SFXN5: variants seen among roughly 807,000 people sequenced by gnomAD.
SFXN5 encodes the protein sideroflexin-5.
SFXN5 carries 43 observed loss-of-function variants against 50.2 expected under a neutral mutation model. The ratio of observed to expected loss-of-function variants is 0.86; its 90% CI spans 0.67 to 1.11. The LOEUF is 1.11. Among genes scored for constraint, SFXN5 ranks in the 50% least tolerant of loss-of-function variants. SFXN5 has a pLI of 0.00. For missense variants in SFXN5, 463 were observed against 454.1 expected, an observed-to-expected ratio of 1.02 and a Z score of -0.18; for synonymous variants, 203 against 185.8, an observed-to-expected ratio of 1.09 and a Z score of -0.75.
At chr2:73,043,854 G>A (rs1420426887) in intron 2 of SFXN5, among the ~76,000 whole-genome samples, 2 of 152,054 alleles carry the variant, frequency 1.3e-5, no homozygotes, top group Non-Finnish European at 2.9e-5. Context: ...GACATAATAC[G>A]CTTATCTACA....
chr2:72,977,452 C>G (rs1326857298), intron 10 of SFXN5, among the ~76,000 whole-genome samples: 1 of 152,008 alleles, frequency 6.6e-6, no homozygotes, highest in Non-Finnish European at 1.5e-5. Context: ...AACTAATAAA[C>G]ATGAACTCAA....
intron 6 of SFXN5, among the ~76,000 whole-genome samples, chr2:73,003,133 G>A (rs1418547272): frequency 2.6e-5 from 4 of 152,060 alleles, no homozygotes; most frequent in Non-Finnish European, 5.9e-5. Flanking sequence ...TGAGCCTAGC[G>A]GGGGTGGGGA....
intron 13 of SFXN5, among the ~76,000 whole-genome samples, chr2:72,955,508 G>A (rs1346413703): frequency 6.6e-6 from 1 of 152,258 alleles, no homozygotes; most frequent in Non-Finnish European, 1.5e-5. Flanking sequence ...AAGGAAGGGA[G>A]AAAGAGGCAC....
intron 3 of SFXN5, among the ~76,000 whole-genome samples, chr2:73,030,263 G>C (rs1008051726): frequency 2.0e-5 from 3 of 152,064 alleles, no homozygotes; most frequent in African/African-American, 7.2e-5. Flanking sequence ...CTGCCCCTTA[G>C]GCTTGTCATA....
At chr2:72,962,254 G>A (rs1251585725) in intron 12 of SFXN5, among the ~76,000 whole-genome samples, 2 of 152,224 alleles carry the variant, frequency 1.3e-5, no homozygotes, top group African/African-American at 4.8e-5. Context: ...CTGGTGTGAA[G>A]GGGAAATAAT....
Position 73,001,592 on chromosome 2 carries a change from AG to A in SFXN5, c.358-15del. 1 of 1,613,986 alleles carries A rather than the reference AG, an allele frequency of 6.2e-7. No individual in the cohort carries two copies. The highest frequency in any genetic ancestry group is 8.5e-7 in the Non-Finnish European group (1 of 1,179,874). The stretch of plus-strand genomic sequence containing the variant: ...AAGACCGACTACCTATGAGCAAGAG[AG>A]AAGAAATGCTGAAAAAGGCAGAAGA... On this transcript the variant is annotated splice_polypyrimidine_tract_variant and intron_variant, in intron 6 of 13. Coordinates refer to ENST00000272433, the MANE Select transcript of SFXN5 (RefSeq NM_144579.3).
At position 72,961,471 on chromosome 2, in the gene SFXN5, G is replaced by A. The variant is rs1673737084; in HGVS notation, c.828-223C>T. 6.6e-6 allele frequency among the ~76,000 whole-genome samples: 1 copy of A among 152,222 alleles called. No homozygotes were observed. Among genetic ancestry groups the A allele is most frequent in the South Asian group, 2.1e-4 (1 of 4,824 alleles). ...TAGACCCCTATCCCAATGTCTTGAA[G>A]GACGTTGCTGGCTGAAACCTCAATT... is the stretch of plus-strand genomic sequence containing the variant. On this transcript the variant is annotated intron_variant, in intron 12 of 13. Coordinates refer to ENST00000272433, the MANE Select transcript of SFXN5 (RefSeq NM_144579.3). This position sits in a 1 kb window ranked among gnomAD's most constrained non-coding sequence, Gnocchi z 4.4.
intron 6 of SFXN5, among the ~76,000 whole-genome samples, chr2:73,009,591 G>C (rs1406272803): frequency 6.6e-6 from 1 of 152,212 alleles, no homozygotes; most frequent in African/African-American, 2.4e-5. Flanking sequence ...GGTATCCCAG[G>C]CCATGCTCCC....
intron 11 of SFXN5, among the ~76,000 whole-genome samples, chr2:72,969,343 C>A (rs967426786): frequency 2.0e-5 from 3 of 152,148 alleles, no homozygotes; most frequent in Non-Finnish European, 4.4e-5. Flanking sequence ...CTCATGGAGC[C>A]AAAGGAGGAC....
At chr2:73,013,670 C>T (rs1675816414) in intron 6 of SFXN5, among the ~76,000 whole-genome samples, 1 of 151,950 alleles carries the variant, frequency 6.6e-6, no homozygotes, top group African/African-American at 2.4e-5. Flanking sequence ...TAATACCTCT[C>T]TCGATATATT....
chr2:73,067,059 G>GA (rs1467841838), intron 1 of SFXN5, among the ~76,000 whole-genome samples: 1 of 150,834 alleles, frequency 6.6e-6, no homozygotes, highest in African/African-American at 2.4e-5. Flanking sequence ...TAAAAAAAAA[G>GA]AAAAAACAAA....
chr2:73,064,879 T>C (rs533548298), intron 1 of SFXN5, among the ~76,000 whole-genome samples: 1 of 152,306 alleles, frequency 6.6e-6, no homozygotes, highest in Non-Finnish European at 1.5e-5. Flanking sequence ...CTCCACTTCC[T>C]GGACTCGGGT....
In SFXN5 at chr2:73,058,547, C is replaced by G. The variant is rs373206510; in HGVS notation, c.152G>C (p.Arg51Pro). 2 of 1,613,880 alleles carry G rather than the reference C, an allele frequency of 1.2e-6. No individual in the cohort carries two copies. The highest frequency in any genetic ancestry group is 3.3e-5 in the Admixed American group (2 of 60,000). ...FRHFLDIIDP[R>P]TLFVTERRLR... ...ACTTACCTCAGTGACAAAGAGTGTG[C>G]GAGGGTCGATGATATCCAAGAAGTG... is the stretch of plus-strand genomic sequence containing the variant. The change falls in exon 2 of 14, where the codon CGC becomes CCC. Residue 51 changes from arginine to proline, a missense_variant. By Grantham distance (103) the Arg-to-Pro change is moderately radical. Coordinates refer to ENST00000272433, the MANE Select transcript of SFXN5 (RefSeq NM_144579.3).
chr2:72,954,474 A>G (rs1672858523), intron 13 of SFXN5, among the ~76,000 whole-genome samples: 1 of 152,148 alleles, frequency 6.6e-6, no homozygotes, highest in African/African-American at 2.4e-5. Context: ...ACAGGAAACA[A>G]GCCTCCTGGC....
intron 12 of SFXN5, among the ~76,000 whole-genome samples, chr2:72,963,853 T>A (rs768335155): frequency 5.9e-5 from 9 of 152,070 alleles, no homozygotes; most frequent in Non-Finnish European, 1.2e-4. Context: ...GCATGGTTGG[T>A]GCTGCAGGGA....
At chr2:72,990,366 C>T (rs1238047419) in intron 9 of SFXN5, among the ~76,000 whole-genome samples, 1 of 152,122 alleles carries the variant, frequency 6.6e-6, no homozygotes, top group South Asian at 2.1e-4. Flanking sequence ...CCGGCTCATA[C>T]TGGGCCCTGC....
chr2:72,995,447 T>G (rs928370676), intron 9 of SFXN5, among the ~76,000 whole-genome samples: 4 of 152,192 alleles, frequency 2.6e-5, no homozygotes, highest in African/African-American at 9.6e-5. Flanking sequence ...CTTGGGGGCA[T>G]GCAAACTGGG....
At chr2:73,014,525 C>G (rs1485430163) in intron 6 of SFXN5, among the ~76,000 whole-genome samples, 1 of 152,158 alleles carries the variant, frequency 6.6e-6, no homozygotes, top group Non-Finnish European at 1.5e-5. Flanking sequence ...ATTCTTATCC[C>G]CTAGCTTGTA....
chr2:73,066,865 CAGAA>C (rs973458634), intron 1 of SFXN5, among the ~76,000 whole-genome samples: 3 of 151,786 alleles, frequency 2.0e-5, no homozygotes, highest in African/African-American at 7.3e-5. Flanking sequence ...AAAGAAAAAA[CAGAA>C]AGAAAACAAA....
Sources: gnomAD v4.1 joint callset for allele counts (sites outside exome capture counted in the v4.1 genomes callset) on GRCh38, gnomAD v4.1.1 for gene constraint, Gnocchi (gnomAD v3.1) non-coding constraint, MANE v1.5 for transcripts, NCBI Gene and HGNC (gene_info 2026-07-23, HGNC 2026-07-21) for gene names.